The following IQANK1 variants were observed in gnomAD, a reference collection of about 807,000 sequenced individuals.
IQANK1 encodes IQ motif and ankyrin repeat containing 1.
In IQANK1, 30 loss-of-function variants were observed where a neutral mutation model predicts 22.6. That is an observed-to-expected ratio of 1.33 (90% CI 0.99 to 1.80). IQANK1 has a LOEUF of 1.80. IQANK1 is among the 40% of genes most tolerant of loss of function. The pLI, the probability that IQANK1 is intolerant of heterozygous loss-of-function variation, is 0.00. For missense variants in IQANK1, 275 were observed against 235.2 expected (o/e 1.17, Z -1.11); for synonymous variants, 122 against 99.6 (o/e 1.23, Z -1.34).
intron 3 of IQANK1, among the ~76,000 whole-genome samples, chr8:143,756,485 C>G (rs1266669765): frequency 2.0e-5 from 3 of 152,084 alleles, no homozygotes; most frequent in Non-Finnish European, 4.4e-5. Context: ...CCTTCGCACA[C>G]CCAGTTTCTT....
At chr8:143,762,711 T>G (rs1476117471) in intron 3 of IQANK1, among the ~76,000 whole-genome samples, 1 of 152,194 alleles carries the variant, frequency 6.6e-6, no homozygotes, top group African/African-American at 2.4e-5. Context: ...GTAAATTGTA[T>G]TGATTTGTTT....
At chr8:143,761,539 G>A (rs554619445) in intron 3 of IQANK1, among the ~76,000 whole-genome samples, 1 of 152,320 alleles carries the variant, frequency 6.6e-6, no homozygotes, top group East Asian at 1.9e-4. Context: ...GGAGGCCTAT[G>A]CGGGAGGATT....
intron 3 of IQANK1, among the ~76,000 whole-genome samples, chr8:143,751,664 G>GTGTGTATATATATATATATATATATATA (rs370428606): frequency 2.9e-4 from 18 of 61,538 alleles, no homozygotes; most frequent in African/African-American, 4.8e-4. Context: ...GTGTGTGTGT[G>GTGTGTATATATATATATATATATATATA]TATATATATA....
In IQANK1 at chr8:143,789,837, C is replaced by T; in HGVS notation, c.1163C>T (p.Ala388Val). The T allele has an allele frequency of 8.1e-7, 1 of 1,232,152 alleles. No individual in the cohort carries two copies. The highest frequency in any genetic ancestry group is 4.1e-5 in the South Asian group (1 of 24,326). The allele number at this position is 1,232,152 out of a possible 1,614,324, so 76.3% of individuals were successfully genotyped here. The change falls in exon 11 of 14, where the codon GCC becomes GTC. Residue 388 changes from alanine (A) to valine (V), a missense_variant. By Grantham distance (64) the Ala-to-Val change is moderately conservative (BLOSUM62 0). Coordinates refer to ENST00000527139, the MANE Select transcript of IQANK1 (RefSeq NM_001381874.1). ...AQKAEEALAM[A>V]RLELREQTQE... is the part of the protein sequence containing the mutation. The stretch of plus-strand genomic sequence containing the variant: ...AAGGCCGAGGAGGCGCTGGCTATGG[C>T]CAGGCTGGAGCTTCGGGAGCAGACG...
At chr8:143,765,582 C>T (rs544345187) in intron 3 of IQANK1, among the ~76,000 whole-genome samples, 8 of 152,288 alleles carry the variant, frequency 5.3e-5, no homozygotes, top group African/African-American at 1.9e-4. Flanking sequence ...CTATGGATTA[C>T]TTACCTGTTT....
At chr8:143,742,884 G>A (rs782790806) in intron 3 of IQANK1, 1 of 456,112 alleles carries the variant, frequency 2.2e-6, no homozygotes, top group South Asian at 1.5e-5. Flanking sequence ...TGGCAAGCAC[G>A]GGGTCTTTCT....
chr8:143,786,455 T>C (rs1428638551), intron 7 of IQANK1, among the ~76,000 whole-genome samples: 2 of 152,254 alleles, frequency 1.3e-5, no homozygotes, highest in African/African-American at 4.8e-5. Context: ...GACAGAATCA[T>C]TGATAAATGT....
intron 3 of IQANK1, among the ~76,000 whole-genome samples, chr8:143,741,062 G>A (rs747408160): frequency 6.6e-6 from 1 of 152,184 alleles, no homozygotes; most frequent in East Asian, 1.9e-4. Flanking sequence ...GCCCGGGACC[G>A]TCTCCAATCA....
At chr8:143,788,586 G>C (rs1188727506) in intron 7 of IQANK1, among the ~76,000 whole-genome samples, 3 of 152,258 alleles carry the variant, frequency 2.0e-5, no homozygotes, top group Admixed American at 1.3e-4. Context: ...GCGTGTACTT[G>C]AGTCTGACAG....
At chr8:143,748,950 T>TATATATAAATATATATC (rs1491141239) in intron 3 of IQANK1, among the ~76,000 whole-genome samples, 3 of 116,330 alleles carry the variant, frequency 2.6e-5, no homozygotes, top group African/African-American at 1.1e-4. Flanking sequence ...TACATATATC[T>TATATATAAATATATATC]ATATATAAAT....
At chr8:143,770,364 G>A (rs568860527) in intron 3 of IQANK1, among the ~76,000 whole-genome samples, 1 of 152,234 alleles carries the variant, frequency 6.6e-6, no homozygotes, top group South Asian at 2.1e-4. Flanking sequence ...TTATTCTTAT[G>A]ACTGTATTAT....
intron 3 of IQANK1, among the ~76,000 whole-genome samples, chr8:143,754,375 C>T (rs1819250112): frequency 6.6e-6 from 1 of 152,200 alleles, no homozygotes; most frequent in African/African-American, 2.4e-5. Flanking sequence ...TCTCCCAGGG[C>T]TAACGCCAAG....
At chr8:143,772,567 G>A (rs1247842076) in intron 7 of IQANK1, 85 bp downstream of exon 7, 1 of 398,208 alleles carries the variant, frequency 2.5e-6, no homozygotes, top group African/African-American at 2.1e-5. Context: ...GGGAGGTGTG[G>A]GTACCGGGAG....
chr8:143,768,883 TTGAC>T (rs1296399178), intron 3 of IQANK1, among the ~76,000 whole-genome samples: 2 of 152,238 alleles, frequency 1.3e-5, no homozygotes, highest in African/African-American at 2.4e-5. Flanking sequence ...GAAGATGACT[TTGAC>T]TGTTTGCTGT....
chr8:143,786,160 G>C (rs995738613), intron 7 of IQANK1, among the ~76,000 whole-genome samples: 1 of 152,210 alleles, frequency 6.6e-6, no homozygotes, highest in Admixed American at 6.5e-5. Context: ...ACCTTGCCTG[G>C]CCATGTCATA....
intron 7 of IQANK1, among the ~76,000 whole-genome samples, chr8:143,773,665 C>G (rs977061172): frequency 6.6e-6 from 1 of 152,296 alleles, no homozygotes. Flanking sequence ...AGTCTTTGCC[C>G]AGCTAGGGAC....
intron 3 of IQANK1, chr8:143,745,246 G>C (rs1819004172): frequency 2.0e-5 from 3 of 152,202 alleles, no homozygotes; most frequent in Admixed American, 6.5e-5. Flanking sequence ...AGCCTGACGT[G>C]TCTCTGATCA....
intron 3 of IQANK1, among the ~76,000 whole-genome samples, chr8:143,755,343 T>C (rs1563772447): frequency 6.6e-6 from 1 of 152,156 alleles, no homozygotes; most frequent in East Asian, 1.9e-4. Context: ...TATGTTACCA[T>C]GATGTGGAAT....
chr8:143,782,618 T>TTACAGGCACGTGCCAC (rs1819816152), intron 7 of IQANK1, among the ~76,000 whole-genome samples: 1 of 152,128 alleles, frequency 6.6e-6, no homozygotes, highest in Admixed American at 6.6e-5. Context: ...GTAGCTGGGA[T>TTACAGGCACGTGCCAC]TACAGGCACG....
Sources: allele counts gnomAD v4.1 joint callset (sites outside exome capture counted in the v4.1 genomes callset), GRCh38; gene constraint gnomAD v4.1.1; transcripts MANE v1.5; gene names NCBI Gene and HGNC (gene_info 2026-07-23, HGNC 2026-07-21).